Variants in AFF2 observed in about 807,000 individuals in gnomAD.
The protein encoded by AFF2 is AF4/FMR2 family member 2.
AFF2 carries 14 observed loss-of-function variants against 76.9 expected under a neutral mutation model. That is an observed-to-expected ratio of 0.18 (90% CI 0.12 to 0.28). The LOEUF (loss-of-function observed/expected upper bound fraction) is 0.28, where lower values mean the gene tolerates loss of function less well. AFF2 is among the 10% of genes least tolerant of loss of function. AFF2 has a pLI of 1.00. For synonymous variants in AFF2, 398 were observed against 366.7 expected, an observed-to-expected ratio of 1.09 and a Z score of -0.98; for missense variants, 868 against 1,001.1, an observed-to-expected ratio of 0.87 and a Z score of 1.79.
chrX:148,505,638 TA>T (rs2124183901), intron 1 of AFF2, among the ~76,000 whole-genome samples: 1 of 111,667 alleles, frequency 9.0e-6, no homozygotes, highest in East Asian at 2.8e-4. Context: ...TGCACTTATT[TA>T]ACATAATTTC....
intron 16 of AFF2, among the ~76,000 whole-genome samples, chrX:148,975,573 G>C (rs1326303739): frequency 8.9e-6 from 1 of 111,944 alleles, no homozygotes; most frequent in African/African-American, 3.2e-5. Flanking sequence ...TAATAAGTCA[G>C]TGAGATTATG....
intron 3 of AFF2, among the ~76,000 whole-genome samples, chrX:148,725,954 A>T: frequency 8.9e-6 from 1 of 111,954 alleles, no homozygotes; most frequent in Middle Eastern, 4.6e-3. Flanking sequence ...GCTATAGGCC[A>T]GTTTTCCTCA....
At chrX:148,669,707 G>A (rs782693213) in intron 3 of AFF2, among the ~76,000 whole-genome samples, 1 of 111,451 alleles carries the variant, frequency 9.0e-6, no homozygotes, top group South Asian at 3.8e-4. Flanking sequence ...AATTGTGGGA[G>A]TTACAATTCA....
chrX:148,719,099 T>G, intron 3 of AFF2: 3 of 1,108,910 alleles, frequency 2.7e-6, no homozygotes, highest in African/African-American at 3.6e-5. Context: ...TGAGTTTTGG[T>G]TGTGGCAACC....
chrX:148,610,673 A>C (rs1280045172), intron 1 of AFF2, among the ~76,000 whole-genome samples: 1 of 110,672 alleles, frequency 9.0e-6, no homozygotes, highest in Non-Finnish European at 1.9e-5. Context: ...TTCCAACTGC[A>C]TTTCCAGTGG....
chrX:148,523,733 T>C (rs782122728), intron 1 of AFF2, among the ~76,000 whole-genome samples: 33 of 112,518 alleles, frequency 2.9e-4, no homozygotes, highest in African/African-American at 1.1e-3. Context: ...AAGTGTAAAA[T>C]GGAATTTTAA....
At chrX:148,559,146 C>T (rs1849798041) in intron 1 of AFF2, among the ~76,000 whole-genome samples, 1 of 111,301 alleles carries the variant, frequency 9.0e-6, no homozygotes, top group South Asian at 3.8e-4. Flanking sequence ...GATTTCTTGG[C>T]TTGGGGAAGG....
At chrX:148,612,215 C>T (rs1197160879) in intron 1 of AFF2, among the ~76,000 whole-genome samples, 1 of 111,748 alleles carries the variant, frequency 8.9e-6, no homozygotes, top group Non-Finnish European at 1.9e-5. Flanking sequence ...GCGACTTTTC[C>T]TAAGCCTCCG....
chrX:148,965,126 C>A (rs1603350096), intron 13 of AFF2, among the ~76,000 whole-genome samples: 1 of 111,680 alleles, frequency 9.0e-6, no homozygotes, highest in East Asian at 2.8e-4. Context: ...CTCAAGCTAG[C>A]AGACAGCAGA....
chrX:148,567,429 A>G (rs2053181351), intron 1 of AFF2, among the ~76,000 whole-genome samples: 1 of 111,856 alleles, frequency 8.9e-6, no homozygotes, highest in South Asian at 3.8e-4. Flanking sequence ...CCACACAGGC[A>G]TCAAGGCTGC....
Position 148,999,266 on chromosome X carries a change from G to A in AFF2, c.*7934G>A, listed in dbSNP as rs1557293866. ...TCTAACAGGCACATTCACGTCTCGT[G>A]TACTCATATGAAGTATTTCCTAACA... is the stretch of plus-strand genomic sequence containing the variant. On this transcript the variant is annotated 3_prime_UTR_variant, in exon 21 of 21. Coordinates refer to ENST00000370460, the MANE Select transcript of AFF2 (RefSeq NM_002025.4). 9.0e-6 allele frequency: 1 copy of A among 111,124 alleles called. No individual in the cohort carries two copies. The highest frequency in any genetic ancestry group is 1.9e-5 in the Non-Finnish European group (1 of 53,104). The allele number at this position is 111,124 out of a possible 1,213,427, so 9.2% of individuals were successfully genotyped here. A position where few individuals can be genotyped will look rare whatever the true frequency, so the allele number is the denominator to read the frequency against.
intron 3 of AFF2, among the ~76,000 whole-genome samples, chrX:148,727,219 G>A (rs1383956575): frequency 3.6e-5 from 4 of 110,223 alleles, no homozygotes; most frequent in Non-Finnish European, 5.7e-5. Context: ...TATTAAATAT[G>A]TCCTATAGGA....
At chrX:148,616,600 T>A (rs1279843907) in intron 1 of AFF2, among the ~76,000 whole-genome samples, 1 of 110,543 alleles carries the variant, frequency 9.0e-6, no homozygotes, top group Non-Finnish European at 1.9e-5. Context: ...ATACTTTAAG[T>A]TTTAGGGTAC....
intron 3 of AFF2, among the ~76,000 whole-genome samples, chrX:148,722,383 C>CT (rs1569554267): frequency 9.0e-6 from 1 of 110,929 alleles, no homozygotes; most frequent in East Asian, 2.9e-4. Flanking sequence ...TGCACTGGCT[C>CT]TTTTTTTGTC....
At position 148,868,814 on chromosome X, in the gene AFF2, C is replaced by T. The variant is rs1236675411; in HGVS notation, c.1263-17075C>T. On this transcript the variant is annotated intron_variant, in intron 7 of 20. Coordinates refer to ENST00000370460, the MANE Select transcript of AFF2 (RefSeq NM_002025.4). ...GCTGCTTCCCTAGGAGGGATGAATGCTGTGTCCTTACATGCTAGATAGAAC... is the reference window on the plus strand; with the variant it reads ...GCTGCTTCCCTAGGAGGGATGAATGTTGTGTCCTTACATGCTAGATAGAAC... Among the ~76,000 whole-genome samples, 7 of 112,119 alleles carry T rather than the reference C, an allele frequency of 6.2e-5. No individual in the cohort carries two copies. In the East Asian group the frequency reaches 1.7e-3, roughly 27 times the overall value.
chrX:148,525,616 A>C (rs782523535), intron 1 of AFF2, among the ~76,000 whole-genome samples: 1 of 112,156 alleles, frequency 8.9e-6, no homozygotes, highest in South Asian at 3.7e-4. Context: ...AGATAAAGCT[A>C]TAAATAGATG....
At chrX:148,907,913 C>A (rs2071426863) in intron 9 of AFF2, among the ~76,000 whole-genome samples, 1 of 109,959 alleles carries the variant, frequency 9.1e-6, no homozygotes, top group Admixed American at 9.7e-5. Flanking sequence ...TAAAAGATAG[C>A]CACCCCCAAA....
chrX:148,789,809 T>C lies in AFF2; in HGVS notation c.1042-20067T>C, dbSNP rs782361478. 6.3e-5 allele frequency among the ~76,000 whole-genome samples: 7 copies of C among 111,911 alleles called. No individual in the cohort carries two copies. The South Asian group carries it at 2.3e-3, about 36-fold the overall frequency. ...GTTAATCGGTATAATCAATACATTT[T>C]ATCTCAATTTACAGTCTTACACATC... On this transcript the variant is annotated intron_variant, in intron 3 of 20. Transcript: ENST00000370460.
intron 8 of AFF2, among the ~76,000 whole-genome samples, chrX:148,891,588 T>A (rs1310695914): frequency 8.9e-6 from 1 of 111,833 alleles, no homozygotes. Context: ...ACTCCAAAGC[T>A]CCCTCCAGCA....
Sources: gnomAD v4.1 joint callset for allele counts (sites outside exome capture counted in the v4.1 genomes callset) on GRCh38, gnomAD v4.1.1 for gene constraint, MANE v1.5 for transcripts, NCBI Gene and HGNC (gene_info 2026-07-23, HGNC 2026-07-21) for gene names.